SNX9: variants seen among roughly 807,000 people sequenced by gnomAD.
SNX9 encodes the protein sorting nexin 9, also known as sorting nexin-9.
A neutral mutation model predicts 89.4 loss-of-function variants in SNX9; 44 were observed. The observed-to-expected ratio is 0.49, with a 90% CI of 0.39 to 0.63. The LOEUF is 0.63. Ranked by LOEUF, SNX9 falls within the 30% of genes least tolerant of loss-of-function variation. The pLI, the probability that SNX9 is intolerant of heterozygous loss-of-function variation, is 0.00. For missense variants in SNX9, 578 were observed against 736.1 expected, an observed-to-expected ratio of 0.79 and a Z score of 2.49; for synonymous variants, 236 against 247.8, an observed-to-expected ratio of 0.95 and a Z score of 0.45.
intron 1 of SNX9, among the ~76,000 whole-genome samples, chr6:157,842,098 GTTATAC>G (rs1781714858): frequency 6.6e-6 from 1 of 151,994 alleles, no homozygotes; most frequent in Non-Finnish European, 1.5e-5. Flanking sequence ...TGTAATTCCT[GTTATAC>G]TTAAAAATTC....
At chr6:157,897,225 G>A (rs545844318) in intron 5 of SNX9, among the ~76,000 whole-genome samples, 10 of 152,308 alleles carry the variant, frequency 6.6e-5, no homozygotes, top group African/African-American at 2.4e-4. Context: ...GATCAAGGGG[G>A]TTCCCACCAC....
intron 2 of SNX9, among the ~76,000 whole-genome samples, chr6:157,869,843 GCATACCCCCACA>G (rs1216776089): frequency 4.0e-5 from 6 of 151,526 alleles, no homozygotes; most frequent in Non-Finnish European, 8.8e-5. Flanking sequence ...CTCACATTAT[GCATACCCCCACA>G]CACACTCGCA....
intron 9 of SNX9, among the ~76,000 whole-genome samples, chr6:157,917,218 C>T (rs1394893126): frequency 6.6e-6 from 1 of 151,922 alleles, no homozygotes; most frequent in Non-Finnish European, 1.5e-5. Flanking sequence ...TAGGTCTACT[C>T]CTTCATTTCT....
chr6:157,827,610 TA>T (rs1464438648), intron 1 of SNX9, among the ~76,000 whole-genome samples: 1 of 143,106 alleles, frequency 7.0e-6, no homozygotes, highest in African/African-American at 2.6e-5. Context: ...ATGAGATATA[TA>T]AATATATAAT....
At chr6:157,923,157 T>A (rs1783617460) in intron 10 of SNX9, among the ~76,000 whole-genome samples, 1 of 152,198 alleles carries the variant, frequency 6.6e-6, no homozygotes, top group Admixed American at 6.5e-5. Context: ...TCAGGGCCCT[T>A]GAGTTCTGGT....
intron 4 of SNX9, among the ~76,000 whole-genome samples, chr6:157,890,055 G>A (rs1232044293): frequency 6.6e-6 from 1 of 152,184 alleles, no homozygotes. Flanking sequence ...CCAGATAGCA[G>A]GCTTTGAGCC....
At chr6:157,904,670 A>G (rs1783174126) in intron 6 of SNX9, among the ~76,000 whole-genome samples, 1 of 152,128 alleles carries the variant, frequency 6.6e-6, no homozygotes, top group South Asian at 2.1e-4. Flanking sequence ...AGATCGCGCC[A>G]CTGTACTCCA....
intron 1 of SNX9, among the ~76,000 whole-genome samples, chr6:157,867,283 T>C (rs939268729): frequency 2.0e-5 from 3 of 152,192 alleles, no homozygotes; most frequent in Non-Finnish European, 4.4e-5. Context: ...GTAACTTTTT[T>C]AGGGTTGATC....
chr6:157,871,659 C>T (rs1047758849), intron 2 of SNX9, among the ~76,000 whole-genome samples: 21 of 151,656 alleles, frequency 1.4e-4, no homozygotes, highest in Non-Finnish European at 3.1e-4. Context: ...CACATGTACC[C>T]TAGAACTTAA....
chr6:157,826,771 T>C (rs1781353369), intron 1 of SNX9, among the ~76,000 whole-genome samples: 1 of 116,446 alleles, frequency 8.6e-6, no homozygotes, highest in South Asian at 2.2e-4. Context: ...ATATATGATA[T>C]ATAAATATAT....
chr6:157,842,880 T>G, intron 1 of SNX9, among the ~76,000 whole-genome samples: 1 of 152,198 alleles, frequency 6.6e-6, no homozygotes, highest in East Asian at 1.9e-4. Flanking sequence ...TTGTAGTTAT[T>G]TTGTTAGTCC....
At chr6:157,848,480 T>TATTA (rs1252774838) in intron 1 of SNX9, among the ~76,000 whole-genome samples, 1 of 152,276 alleles carries the variant, frequency 6.6e-6, no homozygotes, top group Non-Finnish European at 1.5e-5. Context: ...AAAAGTTTAA[T>TATTA]GATTGCCTGT....
intron 1 of SNX9, among the ~76,000 whole-genome samples, chr6:157,828,733 G>A (rs528550803): frequency 3.9e-5 from 6 of 152,140 alleles, no homozygotes; most frequent in African/African-American, 1.2e-4. Context: ...CCTCAGCCCC[G>A]CAAAGTATTG....
intron 4 of SNX9, among the ~76,000 whole-genome samples, chr6:157,891,628 A>G (rs2115158693): frequency 6.6e-6 from 1 of 152,286 alleles, no homozygotes; most frequent in Admixed American, 6.5e-5. Context: ...CTTTTGGGGG[A>G]AACATTCTCC....
At chr6:157,930,271 T>C (rs1783781934) in intron 12 of SNX9, among the ~76,000 whole-genome samples, 1 of 152,222 alleles carries the variant, frequency 6.6e-6, no homozygotes, top group African/African-American at 2.4e-5. Context: ...ACATCAGGAA[T>C]AACAGTTGTT....
At chr6:157,877,271 A>G (rs1281835887) in intron 4 of SNX9, among the ~76,000 whole-genome samples, 1 of 146,868 alleles carries the variant, frequency 6.8e-6, no homozygotes, top group Non-Finnish European at 1.5e-5. Flanking sequence ...GTAATAAAAG[A>G]AAAAAAAAGC....
At position 157,928,489 on chromosome 6, in the gene SNX9, A is replaced by G. The variant is rs868649722; in HGVS notation, c.1185-110A>G. ...TTTAAGGCTAACTTAGTGAAAGGGG[A>G]GTTGTTATCATGCAAGAAAACAAGT... On this transcript the variant is annotated intron_variant, in intron 11 of 17. Transcript: ENST00000392185. The G allele has an allele frequency of 6.5e-6, 5 of 766,962 alleles. No individual in the cohort carries two copies. The Middle Eastern group carries it at 1.1e-3, about 175-fold the overall frequency. 47.5% of individuals were successfully genotyped at this position (766,962 alleles called of 1,614,324 possible).
chr6:157,851,229 G>A (rs1781903839), intron 1 of SNX9, among the ~76,000 whole-genome samples: 1 of 150,356 alleles, frequency 6.7e-6, no homozygotes, highest in Non-Finnish European at 1.5e-5. Flanking sequence ...CTGCACTCCA[G>A]CTTGGGTGAC....
chr6:157,879,276 A>T (rs184393689), intron 4 of SNX9, among the ~76,000 whole-genome samples: 20 of 152,346 alleles, frequency 1.3e-4, no homozygotes, highest in Non-Finnish European at 7.3e-5. Flanking sequence ...GACTGATCAG[A>T]TGAACTATAG....
Sources: allele counts gnomAD v4.1 joint callset (sites outside exome capture counted in the v4.1 genomes callset), GRCh38; gene constraint gnomAD v4.1.1; transcripts MANE v1.5; gene names NCBI Gene and HGNC (gene_info 2026-07-23, HGNC 2026-07-21).